The following AOPEP variants were observed in gnomAD, a reference collection of about 807,000 sequenced individuals.
AOPEP encodes aminopeptidase O (putative), also known as aminopeptidase O.
In AOPEP, 77 loss-of-function variants were observed where a neutral mutation model predicts 98.1. The observed-to-expected ratio is 0.78, with a 90% confidence interval of 0.65 to 0.95. The LOEUF (loss-of-function observed/expected upper bound fraction) is 0.95. Ranked by LOEUF, AOPEP falls within the 40% of genes least tolerant of loss-of-function variation. AOPEP has a pLI of 0.00. For synonymous variants in AOPEP, 346 were observed against 365.3 expected (o/e 0.95, Z 0.60); for missense variants, 1,024 against 1,024.7 (o/e 1.00, Z 0.01).
At chr9:95,102,488 T>TG in the AOPEP span, among the ~76,000 whole-genome samples, 565 of 152,332 alleles carry the variant, frequency 3.7e-3, 3 homozygotes, top group African/African-American at 0.013. Flanking sequence ...TTTAGCTGTG[T>TG]GGGGAATTTA....
At chr9:95,125,107 A>C in the AOPEP span, 29 of 1,613,984 alleles carry the variant, frequency 1.8e-5, no homozygotes, top group African/African-American at 4.0e-5. Flanking sequence ...CTTTCTCCAG[A>C]GCTTCTACAA....
In AOPEP at chr9:94,873,422, CCTTAT is replaced by C. The variant is rs200688315; in HGVS notation, c.1365-50558_1365-50554del. Among the ~76,000 whole-genome samples the C allele has an allele frequency of 8.7e-3, 1,329 of 152,290 alleles. 10 individuals carry two copies. Among genetic ancestry groups the C allele is most frequent in the Middle Eastern group, 0.017 (5 of 294 alleles). On this transcript the variant is annotated intron_variant, in intron 5 of 16. Coordinates refer to ENST00000375315, the MANE Select transcript of AOPEP (RefSeq NM_001193329.3). Reference sequence around the variant, plus strand: ...GGAATTAACAAATATGTGGTGTGGTCCTTATCTTATTATGTTGGGAAGCACCTGAC... The same window carrying C: ...GGAATTAACAAATATGTGGTGTGGTCCTTATTATGTTGGGAAGCACCTGAC...
At chr9:95,091,318 G>C (rs1419481292), downstream of AOPEP, among the ~76,000 whole-genome samples, 2 of 152,220 alleles carry the variant, frequency 1.3e-5, no homozygotes, top group African/African-American at 4.8e-5. Context: ...GTCCTGGGAG[G>C]CTCCTTCCAA....
chr9:94,884,172 T>A (rs539803084), intron 5 of AOPEP, among the ~76,000 whole-genome samples: 3 of 152,328 alleles, frequency 2.0e-5, no homozygotes, highest in African/African-American at 7.2e-5. Context: ...CTGAGACAGA[T>A]GGCGAGAAGA....
intron 9 of AOPEP, among the ~76,000 whole-genome samples, chr9:94,957,278 G>A (rs1432818366): frequency 6.6e-6 from 1 of 152,148 alleles, no homozygotes; most frequent in East Asian, 1.9e-4. Context: ...TGCGATCGCG[G>A]CTCACTGCAA....
At chr9:95,130,468 C>A in the AOPEP span, among the ~76,000 whole-genome samples, 1 of 152,340 alleles carries the variant, frequency 6.6e-6, no homozygotes, top group South Asian at 2.1e-4. Flanking sequence ...TGCTTTCCAT[C>A]TATCACCTTT....
intron 5 of AOPEP, among the ~76,000 whole-genome samples, chr9:94,892,492 A>G (rs1386335538): frequency 6.6e-6 from 1 of 152,242 alleles, no homozygotes; most frequent in East Asian, 1.9e-4. Context: ...AGGCCCAGAA[A>G]GGGGCAGATT....
intron 2 of AOPEP, among the ~76,000 whole-genome samples, chr9:94,767,101 C>T (rs1839802806): frequency 6.6e-6 from 1 of 152,144 alleles, no homozygotes; most frequent in African/African-American, 2.4e-5. Context: ...GATTTCAGGT[C>T]TAAGAGGAAC....
In AOPEP at chr9:94,955,963, C is replaced by T; in HGVS notation, c.1820C>T (p.Ser607Leu). 3 of 1,613,330 alleles carry T rather than the reference C, an allele frequency of 1.9e-6. No individual in the cohort carries two copies. The highest frequency in any genetic ancestry group is 1.3e-5 in the African/African-American group (1 of 74,952). The change falls in exon 9 of 17, where the codon TCA becomes TTA. Residue 607 changes from serine to leucine, a missense_variant. Ser to Leu is a moderately radical substitution (Grantham distance 145). Transcript: ENST00000375315. ...AGACTTGGAGATGAAACCTATTTTT[C>T]ATTTTTAAGAAAATTTGTGCACACA... ...AKRLGDETYF[S>L]FLRKFVHTFH...
At chr9:94,955,843 A>G in intron 8 of AOPEP, 65 bp from the exon 9 acceptor site, 2 of 1,131,446 alleles carry the variant, frequency 1.8e-6, no homozygotes, top group Non-Finnish European at 1.3e-6. Flanking sequence ...AGGGCTGACT[A>G]TATAACCATT....
chr9:95,092,011 T>G (rs1202235713), downstream of AOPEP, among the ~76,000 whole-genome samples: 1 of 152,036 alleles, frequency 6.6e-6, no homozygotes, highest in East Asian at 1.9e-4. Context: ...GTCACCAGGC[T>G]GTGGCCTGAG....
At chr9:95,083,162 G>A (rs1228106409) in intron 16 of AOPEP, 1 of 178,148 alleles carries the variant, frequency 5.6e-6, no homozygotes, top group Admixed American at 5.8e-5. Flanking sequence ...TCTGCAAGCA[G>A]ATGTTTTCTT....
At chr9:94,869,580 G>A (rs1162784918) in intron 5 of AOPEP, among the ~76,000 whole-genome samples, 1 of 152,190 alleles carries the variant, frequency 6.6e-6, no homozygotes, top group Non-Finnish European at 1.5e-5. Context: ...CTGTGGGATG[G>A]CACAGCCCAC....
intron 10 of AOPEP, among the ~76,000 whole-genome samples, chr9:94,968,856 C>T (rs2059363845): frequency 6.6e-6 from 1 of 152,206 alleles, no homozygotes; most frequent in Admixed American, 6.5e-5. Flanking sequence ...TCATTTAACT[C>T]TTACTACAGT....
At chr9:95,059,447 C>T (rs910233614) in intron 13 of AOPEP, among the ~76,000 whole-genome samples, 3 of 149,716 alleles carry the variant, frequency 2.0e-5, no homozygotes, top group East Asian at 2.0e-4. Flanking sequence ...TGGAATGGTG[C>T]GGTGGGTGTG....
chr9:95,074,245 AG>A (rs983425904), intron 14 of AOPEP, among the ~76,000 whole-genome samples: 7 of 152,186 alleles, frequency 4.6e-5, no homozygotes, highest in African/African-American at 1.7e-4. Flanking sequence ...TCAGTGGGGT[AG>A]GGTCCACAAT....
At chr9:94,780,516 A>G (rs1843021229) in intron 3 of AOPEP, among the ~76,000 whole-genome samples, 1 of 152,230 alleles carries the variant, frequency 6.6e-6, no homozygotes, top group South Asian at 2.1e-4. Context: ...AAAGAACTCT[A>G]TGCTTAATAC....
At chr9:95,103,773 A>G in the AOPEP span, among the ~76,000 whole-genome samples, 4 of 152,360 alleles carry the variant, frequency 2.6e-5, no homozygotes, top group East Asian at 7.7e-4. Context: ...CCCACTGCGC[A>G]GAGCTCACTG....
At chr9:94,840,275 G>A (rs543858396) in intron 5 of AOPEP, among the ~76,000 whole-genome samples, 4 of 152,110 alleles carry the variant, frequency 2.6e-5, no homozygotes, top group South Asian at 4.2e-4. Flanking sequence ...TCTTTTTTAG[G>A]CTGTCAATAT....
Sources: gnomAD v4.1 joint callset for allele counts (sites outside exome capture counted in the v4.1 genomes callset) on GRCh38, gnomAD v4.1.1 for gene constraint, MANE v1.5 for transcripts, NCBI Gene and HGNC (gene_info 2026-07-23, HGNC 2026-07-21) for gene names.